Variants in TENT2 observed in about 807,000 individuals in gnomAD.
The protein encoded by TENT2 is terminal nucleotidyltransferase 2.
TENT2 carries 44 observed loss-of-function variants against 72.2 expected under a neutral mutation model. The ratio of observed to expected loss-of-function variants is 0.61; its 90% CI spans 0.48 to 0.78. The LOEUF is 0.78. TENT2 is among the 30% of genes least tolerant of loss of function. The pLI, the probability that TENT2 is intolerant of heterozygous loss-of-function variation, is 0.00. For synonymous variants in TENT2, 212 were observed against 192.5 expected (o/e 1.10, Z -0.84); for missense variants, 541 against 569.6 (o/e 0.95, Z 0.51).
rs761041537 is a variant in TENT2, at chr5:79,642,870, T to C, written c.711T>C (p.His237=). 6.2e-7 allele frequency: 1 copy of C among 1,612,208 alleles called. No individual in the cohort carries two copies. The highest frequency in any genetic ancestry group is 8.5e-7 in the Non-Finnish European group (1 of 1,179,210). ...FQVNQKTEAR[H]ILTLVHKHFC... The stretch of plus-strand genomic sequence containing the variant: ...TAAATCAGAAGACTGAAGCACGGCA[T>C]ATACTCACCTTAGTCCATAAACACT... The change falls in exon 7 of 15, where the codon CAT becomes CAC. Residue 237 remains histidine (H), a synonymous_variant. Coordinates refer to ENST00000453514, the MANE Select transcript of TENT2 (RefSeq NM_001114394.3).
Position 79,668,910 on chromosome 5 carries a change from A to C in TENT2, c.1090A>C (p.Ile364Leu). 1 of 1,612,730 alleles carries C rather than the reference A, an allele frequency of 6.2e-7. No individual in the cohort carries two copies. The highest frequency in any genetic ancestry group is 8.5e-7 in the Non-Finnish European group (1 of 1,179,214). ...KIYPESFSPA[I>L]QLHLVHQAPC... ...TTGACAGGAGTCTTTTAGTCCTGCTATACAGCTGCACCTTGTACATCAAGC... is the reference window on the plus strand; with the variant it reads ...TTGACAGGAGTCTTTTAGTCCTGCTCTACAGCTGCACCTTGTACATCAAGC... Residue 364 changes from isoleucine to leucine, a missense_variant, in exon 12 of 15, where the codon ATA (isoleucine) becomes CTA (leucine). Ile to Leu is a conservative substitution (Grantham distance 5). Coordinates refer to ENST00000453514, the MANE Select transcript of TENT2 (RefSeq NM_001114394.3).
intron 4 of TENT2, among the ~76,000 whole-genome samples, chr5:79,629,061 C>G (rs977158522): frequency 2.0e-5 from 3 of 152,016 alleles, no homozygotes; most frequent in African/African-American, 7.3e-5. Context: ...CAGCACAGGG[C>G]TATCTGAGGC....
At chr5:79,681,867 A>C in intron 13 of TENT2, 115 bp from the exon 14 acceptor site, 1 of 766,252 alleles carries the variant, frequency 1.3e-6, no homozygotes, top group Non-Finnish European at 2.1e-6. Flanking sequence ...CCCATCTGAA[A>C]TTGCAATTTT....
At chr5:79,616,944 C>G (rs763358817) in intron 1 of TENT2, among the ~76,000 whole-genome samples, 59 of 152,022 alleles carry the variant, frequency 3.9e-4, no homozygotes, top group Admixed American at 1.8e-3. Flanking sequence ...GAATTTTAAT[C>G]TTATGGAATT....
chr5:79,620,161 T>C, intron 3 of TENT2, 78 bp downstream of exon 3: 1 of 959,672 alleles, frequency 1.0e-6, no homozygotes, highest in South Asian at 1.5e-5. Context: ...TGAATTAATA[T>C]TGTATGGACC....
At position 79,686,893 on chromosome 5, in the gene TENT2, C is replaced by T. The variant is rs1406022984; in HGVS notation, c.*1620C>T. On this transcript the variant is annotated 3_prime_UTR_variant, in exon 15 of 15. Coordinates refer to ENST00000453514, the MANE Select transcript of TENT2 (RefSeq NM_001114394.3). ...AATTTTTCCTAAAATTTACACTGTGCATCTCTTAATCAGAATGTACTGAGT... is the reference window on the plus strand; with the variant it reads ...AATTTTTCCTAAAATTTACACTGTGTATCTCTTAATCAGAATGTACTGAGT... Among the ~76,000 whole-genome samples, 1 of 152,160 alleles carries T rather than the reference C, an allele frequency of 6.6e-6. No homozygotes were observed. The highest frequency in any genetic ancestry group is 2.4e-5 in the African/African-American group (1 of 41,442).
In TENT2 at chr5:79,685,884, T is replaced by C. The variant is rs1023233875; in HGVS notation, c.*611T>C. On this transcript the variant is annotated 3_prime_UTR_variant, in exon 15 of 15. Coordinates refer to ENST00000453514, the MANE Select transcript of TENT2 (RefSeq NM_001114394.3). ...TCATTAGTACTTCACATGCTTTTGA[T>C]GTACTCTTGAGATTGCTTTAAATTT... The C allele has an allele frequency of 2.0e-5, 3 of 152,712 alleles. No homozygotes were observed. Among genetic ancestry groups the C allele is most frequent in the Non-Finnish European group, 2.9e-5 (2 of 68,100 alleles). The allele number at this position is 152,712 out of a possible 1,614,324, so 9.5% of individuals were successfully genotyped here. A position where few individuals can be genotyped will look rare whatever the true frequency, so the allele number is the denominator to read the frequency against.
intron 14 of TENT2, among the ~76,000 whole-genome samples, chr5:79,683,923 C>CAA (rs761567083): frequency 0.013 from 526 of 41,500 alleles, 71 homozygotes; most frequent in African/African-American, 0.027. Flanking sequence ...GACTCCGTCT[C>CAA]AAAAAAAAAA....
Position 79,668,591 on chromosome 5 carries a change from T to C in TENT2, c.1072-301T>C, listed in dbSNP as rs1810398130. ...AATCTATATGGTATTGGGTAGATCT[T>C]GGTTTGTATAGTAAGGTTTTATTTA... On this transcript the variant is annotated intron_variant, in intron 11 of 14. Transcript: ENST00000453514. The C allele has an allele frequency of 1.1e-4, 24 of 209,130 alleles. No homozygotes were observed. In the East Asian group the frequency reaches 1.2e-3, roughly 10 times the overall value. The allele number at this position is 209,130 out of a possible 1,614,324, so 13.0% of individuals were successfully genotyped here.
chr5:79,648,366 T>G (rs1340004759), intron 8 of TENT2, among the ~76,000 whole-genome samples: 1 of 152,174 alleles, frequency 6.6e-6, no homozygotes, highest in Non-Finnish European at 1.5e-5. Flanking sequence ...GCCTTAGCAG[T>G]ATGTTACTGA....
intron 11 of TENT2, among the ~76,000 whole-genome samples, chr5:79,658,692 T>C (rs1219429755): frequency 6.6e-6 from 1 of 152,226 alleles, no homozygotes; most frequent in Non-Finnish European, 1.5e-5. Context: ...TGAAAAATGC[T>C]TCTGCAGCAG....
chr5:79,645,285 A>C, intron 8 of TENT2, 93 bp downstream of exon 8: 1 of 952,194 alleles, frequency 1.1e-6, no homozygotes, highest in Non-Finnish European at 1.5e-6. Flanking sequence ...ATGTTGTAGC[A>C]TTACAGTTTA....
chr5:79,633,377 C>CA (rs1179355291), intron 4 of TENT2, among the ~76,000 whole-genome samples: 8 of 140,754 alleles, frequency 5.7e-5, no homozygotes, highest in African/African-American at 1.6e-4. Flanking sequence ...AGCACTTAGG[C>CA]AAAAAAAATT....
chr5:79,646,008 A>G (rs1267651495), intron 8 of TENT2, among the ~76,000 whole-genome samples: 8 of 152,210 alleles, frequency 5.3e-5, no homozygotes, highest in South Asian at 2.1e-4. Flanking sequence ...AGATCACCCA[A>G]TACCATGTTT....
At chr5:79,645,721 T>G (rs1242360707) in intron 8 of TENT2, among the ~76,000 whole-genome samples, 1 of 152,180 alleles carries the variant, frequency 6.6e-6, no homozygotes, top group Admixed American at 6.6e-5. Flanking sequence ...AATTGTTTTG[T>G]AAATAGATGT....
At chr5:79,672,904 A>G (rs1814099694) in intron 12 of TENT2, among the ~76,000 whole-genome samples, 1 of 152,136 alleles carries the variant, frequency 6.6e-6, no homozygotes, top group Non-Finnish European at 1.5e-5. Context: ...TAATGGTTGT[A>G]CTAATTTACA....
chr5:79,660,403 C>T (rs1801884873), intron 11 of TENT2, among the ~76,000 whole-genome samples: 1 of 152,076 alleles, frequency 6.6e-6, no homozygotes, highest in Admixed American at 6.5e-5. Context: ...TAAATTTATG[C>T]TAGGTAGATT....
At chr5:79,640,484 A>G (rs967496253) in intron 4 of TENT2, among the ~76,000 whole-genome samples, 3 of 152,184 alleles carry the variant, frequency 2.0e-5, no homozygotes, top group Non-Finnish European at 2.9e-5. Context: ...TGTTTGTTGC[A>G]TATTTTTATT....
intron 1 of TENT2, 142 bp from the exon 2 acceptor site, chr5:79,619,470 G>A (rs1045848777): frequency 1.0e-5 from 5 of 496,534 alleles, no homozygotes; most frequent in Non-Finnish European, 1.7e-5. Flanking sequence ...ACCTACAGTG[G>A]CACTTAGGAG....
Sources: allele counts gnomAD v4.1 joint callset (sites outside exome capture counted in the v4.1 genomes callset), GRCh38; gene constraint gnomAD v4.1.1; transcripts MANE v1.5; gene names NCBI Gene and HGNC (gene_info 2026-07-23, HGNC 2026-07-21).